The following SPATA13 variants were observed in gnomAD, a reference collection of about 807,000 sequenced individuals.
SPATA13 encodes the protein spermatogenesis associated 13.
A neutral mutation model predicts 104.0 loss-of-function variants in SPATA13; 50 were observed. The ratio of observed to expected loss-of-function variants is 0.48; its 90% confidence interval spans 0.38 to 0.61. SPATA13 has a LOEUF of 0.61. SPATA13 is among the 20% of genes least tolerant of loss of function. The pLI, the probability that SPATA13 is intolerant of heterozygous loss-of-function variation, is 0.00. For synonymous variants in SPATA13, 606 were observed against 667.5 expected (o/e 0.91, Z 1.42); for missense variants, 1,524 against 1,690.6 (o/e 0.90, Z 1.73).
chr13:24,043,749 G>A (rs1878021876), intron 3 of SPATA13, among the ~76,000 whole-genome samples: 1 of 152,178 alleles, frequency 6.6e-6, no homozygotes, highest in Non-Finnish European at 1.5e-5. Flanking sequence ...GTCGTGAAAG[G>A]TCACATTCTG....
intron 10 of SPATA13, 60 bp from the exon 11 acceptor site, chr13:24,297,303 A>T: frequency 6.5e-7 from 1 of 1,540,712 alleles, no homozygotes; most frequent in Non-Finnish European, 8.7e-7. Context: ...CTTCTTAAGT[A>T]GCTAGGACTA....
intron 7 of SPATA13, among the ~76,000 whole-genome samples, 185 bp downstream of exon 7, chr13:24,287,135 T>A (rs1593501862): frequency 7.0e-6 from 1 of 142,804 alleles, no homozygotes; most frequent in Admixed American, 7.7e-5. Context: ...TTGGTGGAGG[T>A]TTTTTAGAGT....
At chr13:23,985,880 G>T (rs776367575) in intron 2 of SPATA13, among the ~76,000 whole-genome samples, 2 of 152,180 alleles carry the variant, frequency 1.3e-5, no homozygotes, top group African/African-American at 2.4e-5. Context: ...CGGTCCATAC[G>T]CTGAGACGGA....
intron 2 of SPATA13, among the ~76,000 whole-genome samples, chr13:23,989,776 G>A (rs34875690): frequency 0.17 from 25,452 of 152,162 alleles, 2,721 homozygotes; most frequent in Non-Finnish European, 0.23. Context: ...TCAGAAGTGA[G>A]GCCTTGGGAA....
rs546739409 is a variant in SPATA13, at chr13:24,206,817, A to T, written c.-111-16002A>T. Among the ~76,000 whole-genome samples, 1,362 of 150,330 alleles carry T rather than the reference A, an allele frequency of 9.1e-3. 8 individuals are homozygous for T. The highest frequency in any genetic ancestry group is 0.015 in the Non-Finnish European group (983 of 67,774). On this transcript the variant is annotated intron_variant, in intron 1 of 12. Coordinates refer to ENST00000382108, the MANE Select transcript of SPATA13 (RefSeq NM_001166271.3). The stretch of plus-strand genomic sequence containing the variant: ...TGAGGCAGGAGAATCACTTGAACCC[A>T]GGGGGCAAAGGTTGCAGTAAGCTGA...
intron 4 of SPATA13, chr13:24,272,982 A>T (rs1019680905): frequency 3.9e-5 from 6 of 152,570 alleles, no homozygotes; most frequent in African/African-American, 1.4e-4. Context: ...CAGCCCAGAG[A>T]GCTGTCAGGG....
chr13:24,240,998 T>TC (rs1872806172), intron 2 of SPATA13, among the ~76,000 whole-genome samples: 1 of 152,038 alleles, frequency 6.6e-6, no homozygotes, highest in Non-Finnish European at 1.5e-5. Flanking sequence ...TTTTTTGTTT[T>TC]TTGGAGACTC....
chr13:24,122,956 G>A (rs749963516), intron 3 of SPATA13: 3 of 783,518 alleles, frequency 3.8e-6, no homozygotes, highest in African/African-American at 1.7e-5. Context: ...AGCGTGTCAG[G>A]TGTATTCAGA....
intron 3 of SPATA13, among the ~76,000 whole-genome samples, chr13:24,030,636 A>C (rs376101325): frequency 2.9e-4 from 44 of 152,290 alleles, no homozygotes; most frequent in African/African-American, 1.0e-3. Context: ...AGTATTCAAC[A>C]ATCTCTTATT....
intron 1 of SPATA13, among the ~76,000 whole-genome samples, chr13:24,187,915 C>T (rs530106368): frequency 9.7e-4 from 148 of 152,206 alleles, no homozygotes; most frequent in African/African-American, 3.5e-3. Flanking sequence ...TATTTTAAAT[C>T]CAAAGCTAGG....
chr13:24,271,036 C>CTG, intron 4 of SPATA13: 1 of 708,832 alleles, frequency 1.4e-6, no homozygotes. Flanking sequence ...CTCTCTCTCT[C>CTG]TCTCACTCTC....
chr13:24,055,535 A>T (rs568729669), intron 3 of SPATA13, among the ~76,000 whole-genome samples: 1 of 152,352 alleles, frequency 6.6e-6, no homozygotes, highest in African/African-American at 2.4e-5. Context: ...GTAACCATGC[A>T]TTCACTGAGA....
chr13:24,268,663 G>A (rs1190048186), intron 4 of SPATA13, among the ~76,000 whole-genome samples: 1 of 152,164 alleles, frequency 6.6e-6, no homozygotes, highest in Non-Finnish European at 1.5e-5. Context: ...GGAGGCTGAG[G>A]CAGGAGAATC....
intron 4 of SPATA13, among the ~76,000 whole-genome samples, chr13:24,257,338 C>T (rs960586749): frequency 1.3e-5 from 2 of 152,140 alleles, no homozygotes; most frequent in African/African-American, 4.8e-5. Context: ...CAAAGTCAGT[C>T]GATATGGGTA....
At chr13:24,188,751 A>G (rs116092173) in intron 1 of SPATA13, among the ~76,000 whole-genome samples, 144 of 152,092 alleles carry the variant, frequency 9.5e-4, no homozygotes, top group Middle Eastern at 3.4e-3. Context: ...GAGGAAGAAG[A>G]TGCCATTCTA....
intron 1 of SPATA13, among the ~76,000 whole-genome samples, chr13:24,172,652 A>G (rs778401188): frequency 1.3e-5 from 2 of 152,204 alleles, no homozygotes; most frequent in Non-Finnish European, 2.9e-5. Context: ...TTTATCAAAA[A>G]TTAGTTGGTT....
chr13:24,045,746 C>CAG (rs1393494594), intron 3 of SPATA13, among the ~76,000 whole-genome samples: 11 of 152,162 alleles, frequency 7.2e-5, no homozygotes, highest in Admixed American at 7.2e-4. Context: ...GTTTGCCCTG[C>CAG]AGAGAGACAC....
intron 3 of SPATA13, 99 bp downstream of exon 3, chr13:24,249,941 G>A (rs1873390981): frequency 7.5e-6 from 11 of 1,465,524 alleles, no homozygotes; most frequent in Middle Eastern, 2.5e-4. Flanking sequence ...TTTCTCTCCC[G>A]TTCTCAAGGG....
intron 3 of SPATA13, among the ~76,000 whole-genome samples, chr13:24,049,832 G>A (rs931493458): frequency 6.6e-6 from 1 of 152,146 alleles, no homozygotes; most frequent in African/African-American, 2.4e-5. Flanking sequence ...ACCAGGAAGA[G>A]GGAAATCGGA....
Sources: allele counts gnomAD v4.1 joint callset (sites outside exome capture counted in the v4.1 genomes callset), GRCh38; gene constraint gnomAD v4.1.1; transcripts MANE v1.5; gene names NCBI Gene and HGNC (gene_info 2026-07-23, HGNC 2026-07-21).